Variants in LRRK2 observed in about 807,000 individuals in gnomAD.
LRRK2 encodes the protein leucine rich repeat kinase 2.
In LRRK2, 203 loss-of-function variants were observed where a neutral mutation model predicts 302.6. That is an observed-to-expected ratio of 0.67 (90% confidence interval 0.60 to 0.75). The LOEUF is 0.75. Ranked by LOEUF, LRRK2 falls within the 30% of genes least tolerant of loss-of-function variation. The pLI is 0.00. For missense variants in LRRK2, 2,830 were observed against 2,951.0 expected (o/e 0.96, Z 0.95); for synonymous variants, 1,066 against 1,031.9 (o/e 1.03, Z -0.63).
chr12:40,308,974 C>A, intron 29 of LRRK2, 132 bp from the exon 30 acceptor site: 1 of 1,073,810 alleles, frequency 9.3e-7, no homozygotes, highest in Non-Finnish European at 1.3e-6. Flanking sequence ...GTTCTCTAAA[C>A]ATGGTCTGTT....
At chr12:40,335,275 T>C (rs943212173) in intron 40 of LRRK2, 118 bp downstream of exon 40, 1 of 1,139,100 alleles carries the variant, frequency 8.8e-7, no homozygotes, top group Non-Finnish European at 1.3e-6. Flanking sequence ...ATAAACAATT[T>C]GGATGAAAAC....
At chr12:40,321,420 C>T (rs1483398689) in intron 35 of LRRK2, among the ~76,000 whole-genome samples, 1 of 151,948 alleles carries the variant, frequency 6.6e-6, no homozygotes, top group Non-Finnish European at 1.5e-5. Context: ...GAAGAAAATT[C>T]CTTAGGTGCT....
intron 25 of LRRK2, among the ~76,000 whole-genome samples, chr12:40,302,487 T>A (rs1362581687): frequency 2.0e-5 from 3 of 152,144 alleles, no homozygotes; most frequent in Non-Finnish European, 4.4e-5. Context: ...ACATCACACA[T>A]AATTTGAAAT....
intron 14 of LRRK2, among the ~76,000 whole-genome samples, chr12:40,266,273 T>C (rs10878290): frequency 0.71 from 107,874 of 151,708 alleles, 38,523 homozygotes; most frequent in African/African-American, 0.75. Flanking sequence ...GGCTAATATC[T>C]AGAATCTACA....
chr12:40,351,643 C>T lies in LRRK2; in HGVS notation c.6486C>T (p.Ser2162=), dbSNP rs1212004894. 9.9e-6 allele frequency: 16 copies of T among 1,614,044 alleles called. No individual in the cohort carries two copies. Among genetic ancestry groups the T allele is most frequent in the Non-Finnish European group, 1.3e-5 (15 of 1,180,036 alleles). Residue 2162 remains serine, a synonymous_variant, in exon 44 of 51, where the codon AGC becomes AGT. Transcript: ENST00000298910. ...VECMVATHHN[S]RNASIWLGCG... ...GCATGGTTGCTACACATCACAACAGCAGGAATGCAAGCATTTGGCTGGGCT... is the reference window on the plus strand; with the variant it reads ...GCATGGTTGCTACACATCACAACAGTAGGAATGCAAGCATTTGGCTGGGCT...
chr12:40,310,840 G>C (rs1441741529), intron 31 of LRRK2, among the ~76,000 whole-genome samples, 191 bp downstream of exon 31: 2 of 151,828 alleles, frequency 1.3e-5, no homozygotes, highest in African/African-American at 4.8e-5. Context: ...ATAGAAATGG[G>C]AACAAAAAAT....
intron 23 of LRRK2, among the ~76,000 whole-genome samples, chr12:40,296,259 A>G (rs17443815): frequency 0.41 from 61,780 of 152,062 alleles, 13,079 homozygotes; most frequent in South Asian, 0.54. Flanking sequence ...ATTTGTATGT[A>G]CTACAGATCA....
At chr12:40,341,241 A>G (rs1187903482) in intron 41 of LRRK2, among the ~76,000 whole-genome samples, 1 of 152,174 alleles carries the variant, frequency 6.6e-6, no homozygotes, top group Non-Finnish European at 1.5e-5. Flanking sequence ...GTTATTTGTA[A>G]GTAAAATTAC....
intron 13 of LRRK2, among the ~76,000 whole-genome samples, chr12:40,260,838 G>A (rs545325095): frequency 6.6e-5 from 10 of 152,246 alleles, no homozygotes; most frequent in Admixed American, 2.6e-4. Context: ...ATGTGACATC[G>A]TGATCCCTAA....
intron 18 of LRRK2, among the ~76,000 whole-genome samples, chr12:40,282,177 C>T: frequency 7.3e-6 from 1 of 137,686 alleles, no homozygotes; most frequent in South Asian, 2.6e-4. Flanking sequence ...CCTTCCTCTT[C>T]CCCTTCCCCT....
Position 40,293,894 on chromosome 12 carries a change from C to CATATATAT in LRRK2, c.2808+232_2808+233insTATATATA, listed in dbSNP as rs1491426750. 7.1e-3 allele frequency among the ~76,000 whole-genome samples: 502 copies of CATATATAT among 70,588 alleles called. 6 individuals are homozygous for CATATATAT. The highest frequency in any genetic ancestry group is 0.024 in the African/African-American group (479 of 19,770). 46.3% of individuals were successfully genotyped at this position (70,588 alleles called of 152,430 possible). A position where few individuals can be genotyped will look rare whatever the true frequency, so the allele number is the denominator to read the frequency against. ...TATGCAGGGTATGAATTTTTTGGGG[C>CATATATAT]ACATATATATATATATATATACTTA... On this transcript the variant is annotated intron_variant, in intron 21 of 50. Coordinates refer to ENST00000298910, the MANE Select transcript of LRRK2 (RefSeq NM_198578.4).
intron 38 of LRRK2, among the ~76,000 whole-genome samples, chr12:40,324,234 AT>A (rs929824011): frequency 4.6e-5 from 7 of 152,054 alleles, no homozygotes; most frequent in South Asian, 4.1e-4. Flanking sequence ...CTTTGTACAA[AT>A]TTTTTTAATT....
At chr12:40,322,766 C>T (rs1246980904) in intron 37 of LRRK2, among the ~76,000 whole-genome samples, 1 of 151,956 alleles carries the variant, frequency 6.6e-6, no homozygotes, top group Non-Finnish European at 1.5e-5. Flanking sequence ...ACCGGAATAC[C>T]AACCACATCT....
chr12:40,251,532 A>G lies in LRRK2; in HGVS notation c.1169A>G (p.Asp390Gly). The change falls in exon 10 of 51, where the codon GAT becomes GGT. Residue 390 changes from aspartate (D) to glycine (G), a missense_variant. Around this residue, in one of 3 missense-constraint regions of LRRK2, gnomAD observed 2,121 missense variants for 2,148.0 expected, o/e 0.99. Transcript: ENST00000298910. ...YQNSLHEKIG[D>G]EDGHFPAHRE... is the part of the protein sequence containing the mutation. ...AACAGTTTACATGAGAAGATTGGAG[A>G]TGAAGATGGCCAGTTAGTAGTTTTG... 3 of 1,611,522 alleles carry G rather than the reference A, an allele frequency of 1.9e-6. No individual in the cohort carries two copies. Among genetic ancestry groups the G allele is most frequent in the Non-Finnish European group, 1.7e-6 (2 of 1,178,442 alleles).
chr12:40,357,156 T>C (rs1946565421), intron 46 of LRRK2, among the ~76,000 whole-genome samples: 1 of 152,186 alleles, frequency 6.6e-6, no homozygotes, highest in Admixed American at 6.5e-5. Flanking sequence ...GATCAACTTT[T>C]TTAGCTCCCA....
At position 40,274,888 on chromosome 12, in the gene LRRK2, C is replaced by T. The variant is rs201593147; in HGVS notation, c.1836C>T (p.Tyr612=). Residue 612 remains tyrosine, a synonymous_variant, in exon 16 of 51, where the codon TAC becomes TAT. Coordinates refer to ENST00000298910, the MANE Select transcript of LRRK2 (RefSeq NM_198578.4). ...GTCTGGGTTTAAGTCTTATAGGATA[C>T]TTGATTACAAAGAAGAATGTGTTCA... is the stretch of plus-strand genomic sequence containing the variant. ...IQCLGLSLIG[Y]LITKKNVFIG... is the part of the protein sequence containing the mutation. The T allele has an allele frequency of 6.2e-7, 1 of 1,612,388 alleles. No homozygotes were observed. The highest frequency in any genetic ancestry group is 8.5e-7 in the Non-Finnish European group (1 of 1,178,654).
chr12:40,299,178 C>A lies in LRRK2; in HGVS notation c.3417C>A (p.Asn1139Lys), dbSNP rs779085159. 2 of 1,613,302 alleles carry A rather than the reference C, an allele frequency of 1.2e-6. No individual in the cohort carries two copies. Among genetic ancestry groups the A allele is most frequent in the Non-Finnish European group, 1.7e-6 (2 of 1,179,772 alleles). Residue 1139 changes from asparagine (N) to lysine (K), a missense_variant, in exon 25 of 51, where the codon AAC becomes AAA. Physicochemically the swap from Asn to Lys is moderately conservative, Grantham distance 94 (BLOSUM62 0). Around this residue, in one of 3 missense-constraint regions of LRRK2, gnomAD observed 2,121 missense variants for 2,148.0 expected, o/e 0.99. Transcript: ENST00000298910. Reference protein sequence around the residue: ...KELKILNLSKNHISSLSENFL... With the variant: ...KELKILNLSKKHISSLSENFL... ...TGAAGATTTTAAACCTTAGTAAGAACCACATTTCATCCCTATCAGAGAACT... is the reference window on the plus strand; with the variant it reads ...TGAAGATTTTAAACCTTAGTAAGAAACACATTTCATCCCTATCAGAGAACT...
At chr12:40,226,370 G>T (rs899413152) in intron 2 of LRRK2, among the ~76,000 whole-genome samples, 4 of 152,230 alleles carry the variant, frequency 2.6e-5, no homozygotes, top group African/African-American at 9.6e-5. Flanking sequence ...AGCACTTAGA[G>T]ATTTGGGGAA....
intron 14 of LRRK2, among the ~76,000 whole-genome samples, chr12:40,273,325 A>G (rs1327149054): frequency 2.0e-5 from 3 of 152,168 alleles, no homozygotes; most frequent in Non-Finnish European, 4.4e-5. Context: ...AGAAACAGTG[A>G]CAGGAAACAA....
Sources: allele counts gnomAD v4.1 joint callset (sites outside exome capture counted in the v4.1 genomes callset), GRCh38; gene constraint gnomAD v4.1.1; regional missense constraint gnomAD v4.1.1; transcripts MANE v1.5; gene names NCBI Gene and HGNC (gene_info 2026-07-23, HGNC 2026-07-21).